Variants in PLEKHG4B observed in about 807,000 individuals in gnomAD.
PLEKHG4B encodes pleckstrin homology and RhoGEF domain containing G4B.
PLEKHG4B carries 111 observed loss-of-function variants against 121.3 expected under a neutral mutation model. The observed-to-expected ratio is 0.92, with a 90% CI of 0.78 to 1.07. The LOEUF (loss-of-function observed/expected upper bound fraction) is 1.07. Among genes scored for constraint, PLEKHG4B ranks in the 50% least tolerant of loss-of-function variants. PLEKHG4B has a pLI of 0.00. For synonymous variants in PLEKHG4B, 738 were observed against 725.0 expected (o/e 1.02, Z -0.29); for missense variants, 1,831 against 1,757.8 (o/e 1.04, Z -0.74).
At chr5:163,988 G>T (rs936525633) in intron 13 of PLEKHG4B, among the ~76,000 whole-genome samples, 1 of 152,242 alleles carries the variant, frequency 6.6e-6, no homozygotes, top group Non-Finnish European at 1.5e-5. Context: ...CTCACTTGTC[G>T]AGCCTGCAAA....
chr5:143,570 T>TG (rs1735305447), intron 5 of PLEKHG4B, 67 bp downstream of exon 5: 1 of 1,581,736 alleles, frequency 6.3e-7, no homozygotes, highest in Non-Finnish European at 8.6e-7. Context: ...TGTGGCAAAG[T>TG]GGGGGGCACG....
chr5:93,187 CT>C (rs1733523885), intron 1 of PLEKHG4B, among the ~76,000 whole-genome samples: 1 of 152,092 alleles, frequency 6.6e-6, no homozygotes, highest in Non-Finnish European at 1.5e-5. Flanking sequence ...ATAATTGATA[CT>C]TTTGACTGAG....
At chr5:149,553 TAAG>T (rs35960963) in intron 6 of PLEKHG4B, among the ~76,000 whole-genome samples, 28,131 of 151,662 alleles carry the variant, frequency 0.19, 3,579 homozygotes, top group African/African-American at 0.36. Flanking sequence ...AAAAAGTAAA[TAAG>T]AAGACGCTAT....
intron 19 of PLEKHG4B, 93 bp from the exon 20 acceptor site, chr5:181,911 G>A: frequency 3.5e-6 from 5 of 1,431,956 alleles, no homozygotes; most frequent in Non-Finnish European, 3.9e-6. Flanking sequence ...GCAAAGCCTG[G>A]TCGGCCTTTC....
chr5:182,207 G>T lies in PLEKHG4B; in HGVS notation c.4768G>T (p.Asp1590Tyr). Residue 1590 changes from aspartate (D) to tyrosine (Y), a missense_variant, in exon 20 of 20, where the codon GAT (aspartate) becomes TAT (tyrosine). Physicochemically the swap from Asp to Tyr is radical, Grantham distance 160. Coordinates refer to ENST00000637938, the MANE Select transcript of PLEKHG4B (RefSeq NM_052909.5). The part of the protein sequence containing the change: ...WSPAHSPWSS[D>Y]IRACVEEDEP... The stretch of plus-strand genomic sequence containing the variant: ...CCCTGCCCACAGCCCCTGGTCATCT[G>T]ATATCAGAGCCTGCGTCGAGGAAGA... 6.2e-7 allele frequency: 1 copy of T among 1,613,918 alleles called. No homozygotes were observed. The highest frequency in any genetic ancestry group is 8.5e-7 in the Non-Finnish European group (1 of 1,180,036).
At position 122,604 on chromosome 5, in the gene PLEKHG4B, A is replaced by G. The variant is rs556484719; in HGVS notation, c.243+9156A>G. Reference sequence around the variant, plus strand: ...CCAGCTAATTTTTTGTATTTTTAGTAGAGATGGGGTTTCACCATGTTGGCC... The same window carrying G: ...CCAGCTAATTTTTTGTATTTTTAGTGGAGATGGGGTTTCACCATGTTGGCC... On this transcript the variant is annotated intron_variant, in intron 2 of 19. Transcript: ENST00000637938. Among the ~76,000 whole-genome samples the G allele has an allele frequency of 3.1e-3, 466 of 152,070 alleles. 2 individuals carry two copies. Among genetic ancestry groups the G allele is most frequent in the Middle Eastern group, 0.01 (3 of 294 alleles).
intron 1 of PLEKHG4B, among the ~76,000 whole-genome samples, chr5:110,464 C>T (rs111162223): frequency 2.7e-5 from 4 of 150,786 alleles, no homozygotes; most frequent in East Asian, 2.0e-4. Context: ...CACACGTGCA[C>T]ACATCCACAC....
intron 1 of PLEKHG4B, among the ~76,000 whole-genome samples, chr5:112,846 G>C (rs1339485643): frequency 6.6e-6 from 1 of 152,194 alleles, no homozygotes; most frequent in African/African-American, 2.4e-5. Context: ...GGGAGGAGCA[G>C]CTCCCGCAGG....
chr5:171,593 G>A, intron 16 of PLEKHG4B, 149 bp downstream of exon 16: 1 of 805,210 alleles, frequency 1.2e-6, no homozygotes, highest in Non-Finnish European at 1.9e-6. Flanking sequence ...CCTTCTGAAG[G>A]CCGCAGCGGG....
chr5:165,942 C>G (rs372450496), intron 13 of PLEKHG4B, among the ~76,000 whole-genome samples: 4 of 5,712 alleles, frequency 7.0e-4, no homozygotes, highest in African/African-American at 1.8e-3. Context: ...TCACAGTAAT[C>G]CTCTGACGGG....
At chr5:149,540 CA>C (rs1560930411) in intron 6 of PLEKHG4B, among the ~76,000 whole-genome samples, 1 of 145,308 alleles carries the variant, frequency 6.9e-6, no homozygotes, top group Non-Finnish European at 1.5e-5. Context: ...GACCCCGTCT[CA>C]AAAAAAGTAA....
rs1161701887 is a variant in PLEKHG4B, at chr5:185,482, G to A, written c.*3159G>A. 1.3e-5 allele frequency: 2 copies of A among 152,256 alleles called. No homozygotes were observed. The highest frequency in any genetic ancestry group is 2.9e-5 in the Non-Finnish European group (2 of 68,066). 9.4% of individuals were successfully genotyped at this position (152,256 alleles called of 1,614,324 possible). A position where few individuals can be genotyped will look rare whatever the true frequency, so the allele number is the denominator to read the frequency against. ...AGAAGTCGTTACCTCTGCGTCCTGA[G>A]TATGGACAGCCACCATCACACAGCC... On this transcript the variant is annotated 3_prime_UTR_variant, in exon 20 of 20. Transcript: ENST00000637938.
intron 13 of PLEKHG4B, among the ~76,000 whole-genome samples, chr5:165,449 G>A (rs1466173990): frequency 1.8e-5 from 1 of 55,364 alleles, no homozygotes; most frequent in Non-Finnish European, 3.9e-5. Context: ...CTCTGATGGG[G>A]CGGGGCTCAC....
chr5:170,342 G>T (rs1736501423), intron 14 of PLEKHG4B, among the ~76,000 whole-genome samples: 1 of 151,612 alleles, frequency 6.6e-6, no homozygotes, highest in Non-Finnish European at 1.5e-5. Context: ...TCGCTCTGTT[G>T]CCCAGACTGG....
rs367858573 is a variant in PLEKHG4B, at chr5:143,036, C to T, written c.1478-11C>T. On this transcript the variant is annotated splice_polypyrimidine_tract_variant and intron_variant, in intron 3 of 19. Coordinates refer to ENST00000637938, the MANE Select transcript of PLEKHG4B (RefSeq NM_052909.5). ...CCTTCATCTTTGACACGGCCTCTTTCCTTTGTCCAGACGTTCTTGCATCCT... is the reference window on the plus strand; with the variant it reads ...CCTTCATCTTTGACACGGCCTCTTTTCTTTGTCCAGACGTTCTTGCATCCT... The T allele has an allele frequency of 1.2e-6, 2 of 1,612,044 alleles. No homozygotes were observed. The highest frequency in any genetic ancestry group is 1.3e-5 in the African/African-American group (1 of 74,916).
intron 18 of PLEKHG4B, among the ~76,000 whole-genome samples, chr5:175,351 T>C (rs1371086338): frequency 6.6e-6 from 1 of 152,116 alleles, no homozygotes; most frequent in Non-Finnish European, 1.5e-5. Flanking sequence ...GGTGACTCTC[T>C]GTGCTTATTC....
chr5:172,831 A>G (rs1480756465), intron 16 of PLEKHG4B, 66 bp from the exon 17 acceptor site: 12 of 1,558,212 alleles, frequency 7.7e-6, no homozygotes, highest in African/African-American at 2.7e-5. Context: ...AGACGGAGAC[A>G]GTGACCTGTG....
chr5:184,516 C>T lies in PLEKHG4B; in HGVS notation c.*2193C>T, dbSNP rs1050681954. ...GGTGACATAAAGACATTTTCATACA[C>T]ACAGAAACTAAGAGTTTCATCCCCA... On this transcript the variant is annotated 3_prime_UTR_variant, in exon 20 of 20. Coordinates refer to ENST00000637938, the MANE Select transcript of PLEKHG4B (RefSeq NM_052909.5). 6 of 152,202 alleles carry T rather than the reference C, an allele frequency of 3.9e-5. No individual in the cohort carries two copies. Among genetic ancestry groups the T allele is most frequent in the Non-Finnish European group, 8.8e-5 (6 of 68,040 alleles). The allele number at this position is 152,202 out of a possible 1,614,324, so 9.4% of individuals were successfully genotyped here.
chr5:103,083 G>T (rs931689624), intron 1 of PLEKHG4B, among the ~76,000 whole-genome samples: 2 of 152,202 alleles, frequency 1.3e-5, no homozygotes, highest in Non-Finnish European at 2.9e-5. Context: ...GCCCAGGACA[G>T]GAGCCTTGCC....
Sources: gnomAD v4.1 joint callset for allele counts (sites outside exome capture counted in the v4.1 genomes callset) on GRCh38, gnomAD v4.1.1 for gene constraint, MANE v1.5 for transcripts, NCBI Gene and HGNC (gene_info 2026-07-23, HGNC 2026-07-21) for gene names.